MED12L: variants seen among roughly 807,000 people sequenced by gnomAD.
MED12L encodes the protein mediator complex subunit 12L.
Under a neutral mutation model 281.3 loss-of-function variants are expected in MED12L, and 60 were observed. The ratio of observed to expected loss-of-function variants is 0.21; its 90% CI spans 0.17 to 0.26. The LOEUF (loss-of-function observed/expected upper bound fraction) is 0.26, where lower values mean the gene tolerates loss of function less well. Among genes scored for constraint, MED12L ranks in the 10% least tolerant of loss-of-function variants. The pLI is 1.00. For synonymous variants in MED12L, 974 were observed against 987.2 expected (o/e 0.99, Z 0.25); for missense variants, 2,146 against 2,680.9 (o/e 0.80, Z 4.41).
At chr3:151,333,620 T>A (rs1750596885) in intron 16 of MED12L, among the ~76,000 whole-genome samples, 1 of 152,262 alleles carries the variant, frequency 6.6e-6, no homozygotes, top group African/African-American at 2.4e-5. Flanking sequence ...AGAGCATGTA[T>A]GTGTCCATAT....
At chr3:151,375,911 A>G (rs750342626) in intron 27 of MED12L, 115 bp from the exon 28 acceptor site, 9 of 578,884 alleles carry the variant, frequency 1.6e-5, no homozygotes, top group Non-Finnish European at 2.3e-5. Context: ...AATTTTTTAA[A>G]TTGGAAAATT....
At position 151,317,436 on chromosome 3, in the gene MED12L, C is replaced by CTTTTTTTTTTTTTTTTTTTTTTTTTT. The variant is rs1164820615; in HGVS notation, c.2251-32618_2251-32593dup. ...ATGACAAATTTATATAATCATATCACTTTTTTTTTTTTTTTTTTTTTTTTT... is the reference window on the plus strand; with the variant it reads ...ATGACAAATTTATATAATCATATCACTTTTTTTTTTTTTTTTTTTTTTTTTTTTTTTTTTTTTTTTTTTTTTTTTTT... On this transcript the variant is annotated intron_variant, in intron 16 of 44. Transcript: ENST00000687756. Among the ~76,000 whole-genome samples the CTTTTTTTTTTTTTTTTTTTTTTTTTT allele has an allele frequency of 2.4e-4, 14 of 58,742 alleles. 5 individuals are homozygous for CTTTTTTTTTTTTTTTTTTTTTTTTTT. The highest frequency in any genetic ancestry group is 8.0e-4 in the Admixed American group (3 of 3,746). The allele number at this position is 58,742 out of a possible 152,430, so 38.5% of individuals were successfully genotyped here. A position where few individuals can be genotyped will look rare whatever the true frequency, so the allele number is the denominator to read the frequency against.
intron 13 of MED12L, among the ~76,000 whole-genome samples, chr3:151,188,952 T>G (rs959035798): frequency 3.9e-5 from 6 of 152,164 alleles, no homozygotes; most frequent in African/African-American, 9.7e-5. Flanking sequence ...AAGCTCTTTT[T>G]TTTGCCTTTT....
intron 16 of MED12L, among the ~76,000 whole-genome samples, chr3:151,227,013 T>C (rs1053630549): frequency 1.3e-5 from 2 of 152,216 alleles, no homozygotes; most frequent in East Asian, 3.8e-4. Flanking sequence ...CTCTGCTTGC[T>C]GCTGTTTGTC....
rs190184304 is a variant in MED12L, at chr3:151,184,371, C to T, written c.1495-959C>T. Among the ~76,000 whole-genome samples the T allele has an allele frequency of 3.1e-3, 470 of 152,272 alleles. 5 individuals carry two copies. Among genetic ancestry groups the T allele is most frequent in the African/African-American group, 0.011 (449 of 41,556 alleles). On this transcript the variant is annotated intron_variant, in intron 11 of 44. Transcript: ENST00000687756. ...CCATGGCGTGTGCTCATAGCCATAT[C>T]GTAATCTTAATTGAGTTTATGGATT...
chr3:151,213,151 G>T, intron 16 of MED12L: 1 of 605,870 alleles, frequency 1.7e-6, no homozygotes, highest in Non-Finnish European at 2.8e-6. Context: ...AAAAAGCATG[G>T]AAACTTATAT....
intron 16 of MED12L, among the ~76,000 whole-genome samples, chr3:151,302,110 G>T (rs927276293): frequency 6.6e-6 from 1 of 152,128 alleles, no homozygotes; most frequent in African/African-American, 2.4e-5. Context: ...CCGTGAAAAC[G>T]TTTTGCATGA....
At chr3:151,227,302 C>G (rs1472029012) in intron 16 of MED12L, among the ~76,000 whole-genome samples, 1 of 152,196 alleles carries the variant, frequency 6.6e-6, no homozygotes, top group East Asian at 1.9e-4. Flanking sequence ...AAATTCGGCC[C>G]TCTCTTGATT....
chr3:151,281,802 T>C (rs959003174), intron 16 of MED12L, among the ~76,000 whole-genome samples: 1 of 152,148 alleles, frequency 6.6e-6, no homozygotes, highest in South Asian at 2.1e-4. Flanking sequence ...GAGACAGGAC[T>C]CTGCCTTATT....
chr3:151,322,656 A>G (rs1343501525), intron 16 of MED12L, among the ~76,000 whole-genome samples: 1 of 152,026 alleles, frequency 6.6e-6, no homozygotes, highest in African/African-American at 2.4e-5. Context: ...CTAAATTTAG[A>G]GTGTATAATT....
chr3:151,388,018 C>T lies in MED12L; in HGVS notation c.5297C>T (p.Pro1766Leu), dbSNP rs1329838174. The change falls in exon 37 of 45, where the codon CCT (proline) becomes CTT (leucine). Residue 1766 changes from proline to leucine, a missense_variant. Around this residue, in one of 9 missense-constraint regions of MED12L, gnomAD observed 496 missense variants for 512.0 expected, o/e 0.97. Transcript: ENST00000687756. ...TACTACCTCCAGCCACTGCCCCTGC[C>T]TCCTGAGGAGGAAGAGGAAGAGCCC... Reference protein sequence around the residue: ...RSYYLQPLPLPPEEEEEEPTS... With the variant: ...RSYYLQPLPLLPEEEEEEPTS... 4 of 1,613,984 alleles carry T rather than the reference C, an allele frequency of 2.5e-6. No homozygotes were observed. In the East Asian group the frequency reaches 8.9e-5, roughly 36 times the overall value.
In MED12L at chr3:151,432,859, C is replaced by G. The variant is rs147414393; in HGVS notation, c.*55C>G. On this transcript the variant is annotated 3_prime_UTR_variant, in exon 45 of 45. Coordinates refer to ENST00000687756, the MANE Select transcript of MED12L (RefSeq NM_001393769.1). ...ATGTTTGCACTGAAAAACAGAAAAT[C>G]AAATTTAATGCATTAGTCATCTTAA... The G allele has an allele frequency of 2.2e-6, 3 of 1,344,616 alleles. No individual in the cohort carries two copies. Among genetic ancestry groups the G allele is most frequent in the East Asian group, 4.8e-5 (2 of 41,596 alleles). 83.3% of individuals were successfully genotyped at this position (1,344,616 alleles called of 1,614,324 possible).
intron 11 of MED12L, among the ~76,000 whole-genome samples, chr3:151,173,097 TG>T (rs1429504220): frequency 2.0e-5 from 3 of 152,116 alleles, no homozygotes; most frequent in Non-Finnish European, 4.4e-5. Flanking sequence ...TTAACTTTTT[TG>T]TGTGTGTTCT....
At chr3:151,218,326 G>A (rs1047084927) in intron 16 of MED12L, among the ~76,000 whole-genome samples, 83 of 152,126 alleles carry the variant, frequency 5.5e-4, no homozygotes, top group African/African-American at 2.0e-3. Context: ...AAAATTAAAA[G>A]ATGAACAGGA....
intron 16 of MED12L, 83 bp from the exon 17 acceptor site, chr3:151,349,976 C>T: frequency 7.5e-7 from 1 of 1,328,456 alleles, no homozygotes; most frequent in East Asian, 2.5e-5. Flanking sequence ...CATGGAGGTG[C>T]TGTGGTCAGT....
At chr3:151,338,409 A>C (rs754678426) in intron 16 of MED12L, 1 of 1,614,136 alleles carries the variant, frequency 6.2e-7, no homozygotes, top group Non-Finnish European at 8.5e-7. Context: ...CCAGATGACA[A>C]CAGAGAGAAT....
chr3:151,245,628 TAAG>T (rs1167926945), intron 16 of MED12L, among the ~76,000 whole-genome samples: 1 of 148,874 alleles, frequency 6.7e-6, no homozygotes, highest in African/African-American at 2.5e-5. Context: ...TTCAAAATAA[TAAG>T]AGCTATCTAT....
At chr3:151,260,658 T>A (rs1738693662) in intron 16 of MED12L, among the ~76,000 whole-genome samples, 1 of 152,198 alleles carries the variant, frequency 6.6e-6, no homozygotes, top group Admixed American at 6.5e-5. Flanking sequence ...GCCCTAAAGC[T>A]GGTTTTTAAT....
At chr3:151,272,963 C>T (rs944138156) in intron 16 of MED12L, among the ~76,000 whole-genome samples, 4 of 152,032 alleles carry the variant, frequency 2.6e-5, no homozygotes, top group Non-Finnish European at 4.4e-5. Flanking sequence ...CTTCAATATC[C>T]GAAACTTTTT....
Sources: allele counts gnomAD v4.1 joint callset (sites outside exome capture counted in the v4.1 genomes callset), GRCh38; gene constraint gnomAD v4.1.1; regional missense constraint gnomAD v4.1.1; transcripts MANE v1.5; gene names NCBI Gene and HGNC (gene_info 2026-07-23, HGNC 2026-07-21).